Variants in TLE5 observed in about 807,000 individuals in gnomAD.
TLE5 encodes the protein TLE family member 5.
In TLE5, 7 loss-of-function variants were observed where a neutral mutation model predicts 25.8. That is an observed-to-expected ratio of 0.27 (90% CI 0.15 to 0.51). The LOEUF is 0.51. Ranked by LOEUF, TLE5 falls within the 20% of genes least tolerant of loss-of-function variation. TLE5 has a pLI of 0.97. For missense variants in TLE5, 149 were observed against 250.7 expected (o/e 0.59, Z 2.74); for synonymous variants, 132 against 110.5 (o/e 1.20, Z -1.22).
At chr19:3,057,359 C>G (rs113385867) in intron 3 of TLE5, 2 of 381,326 alleles carry the variant, frequency 5.2e-6, no homozygotes, top group Non-Finnish European at 9.8e-6. Flanking sequence ...TGCTCCCCCA[C>G]GTCAGTTCCT....
chr19:3,056,010 G>A (rs1353003792), intron 4 of TLE5: 5 of 520,654 alleles, frequency 9.6e-6, no homozygotes, highest in African/African-American at 2.0e-5. Flanking sequence ...TCAGGCCCCT[G>A]GCAGGTAGTA....
intron 1 of TLE5, 143 bp downstream of exon 1, chr19:3,062,031 A>C: frequency 6.6e-6 from 1 of 152,284 alleles, no homozygotes; most frequent in Non-Finnish European, 1.2e-5. Context: ...CTGGAGAGGG[A>C]AGACAGGGCC....
chr19:3,053,813 C>G lies in TLE5; in HGVS notation c.*6G>C. On this transcript the variant is annotated 3_prime_UTR_variant, in exon 7 of 7. Coordinates refer to ENST00000327141, the MANE Select transcript of TLE5 (RefSeq NM_001130.6). ...CCCCTCCCAACCTCCCTGTCCCGGC[C>G]CCCTGCTAATCCGACTTCTCGCCAT... is the stretch of plus-strand genomic sequence containing the variant. 6.2e-7 allele frequency: 1 copy of G among 1,612,894 alleles called. No individual in the cohort carries two copies. The highest frequency in any genetic ancestry group is 1.1e-5 in the South Asian group (1 of 91,084).
intron 1 of TLE5, among the ~76,000 whole-genome samples, chr19:3,061,886 T>TGG (rs376264879): frequency 0.048 from 2,909 of 60,068 alleles, 102 homozygotes; most frequent in South Asian, 0.11. Context: ...CCCGGCGGGT[T>TGG]GGGGGGGGGG....
chr19:3,056,391 G>T, intron 3 of TLE5, 35 bp from the exon 4 acceptor site: 1 of 632,662 alleles, frequency 1.6e-6, no homozygotes. Flanking sequence ...GCGGGAGATG[G>T]GGGTGGGGAA....
Position 3,053,791 on chromosome 19 carries a change from C to A in TLE5, c.*28G>T. On this transcript the variant is annotated 3_prime_UTR_variant, in exon 7 of 7. Transcript: ENST00000327141. ...TGCCTCTGTCTCCCCTCTGTCCCCC[C>A]TCCCAACCTCCCTGTCCCGGCCCCC... 2 of 1,607,540 alleles carry A rather than the reference C, an allele frequency of 1.2e-6. No homozygotes were observed. Among genetic ancestry groups the A allele is most frequent in the Non-Finnish European group, 1.7e-6 (2 of 1,176,486 alleles).
intron 2 of TLE5, among the ~76,000 whole-genome samples, chr19:3,058,031 G>A (rs1256602041): frequency 1.3e-5 from 2 of 152,052 alleles, no homozygotes; most frequent in Non-Finnish European, 2.9e-5. Flanking sequence ...GGTCAATGAA[G>A]CCGTAAACTT....
chr19:3,061,336 G>A (rs928162039), intron 1 of TLE5, 79 bp from the exon 2 acceptor site: 12 of 1,143,304 alleles, frequency 1.0e-5, no homozygotes, highest in African/African-American at 1.6e-5. Context: ...GGGAGCGGCC[G>A]CGCAGCTGCG....
intron 2 of TLE5, among the ~76,000 whole-genome samples, chr19:3,060,402 T>C (rs1263843030): frequency 4.8e-5 from 7 of 145,426 alleles, no homozygotes; most frequent in African/African-American, 1.8e-4. Context: ...GCTCCATCTC[T>C]GCTCACTGCA....
In TLE5 at chr19:3,053,376, ACTCGGGGTGCCCAGGACG is replaced by A; in HGVS notation, c.*425_*442del. On this transcript the variant is annotated 3_prime_UTR_variant, in exon 7 of 7. Coordinates refer to ENST00000327141, the MANE Select transcript of TLE5 (RefSeq NM_001130.6). ...TACCTGGGACCCGGGGTCGGGGGAG[ACTCGGGGTGCCCAGGACG>A]GGAAAGGGGCAGCTAGCATTGCGTG... 1.8e-5 allele frequency: 3 copies of A among 165,616 alleles called. No homozygotes were observed. The highest frequency in any genetic ancestry group is 1.8e-4 in the East Asian group (1 of 5,698). 10.3% of individuals were successfully genotyped at this position (165,616 alleles called of 1,614,324 possible). A position where few individuals can be genotyped will look rare whatever the true frequency, so the allele number is the denominator to read the frequency against.
At chr19:3,060,523 G>A (rs1241339879) in intron 2 of TLE5, among the ~76,000 whole-genome samples, 1 of 151,654 alleles carries the variant, frequency 6.6e-6, no homozygotes, top group Non-Finnish European at 1.5e-5. Flanking sequence ...GTAGAGACGG[G>A]GTTTCACCAT....
intron 3 of TLE5, chr19:3,056,646 T>C (rs1472004197): frequency 4.8e-6 from 3 of 625,110 alleles, no homozygotes; most frequent in African/African-American, 1.8e-5. Flanking sequence ...CCCCACTCCA[T>C]GTGCACCGCG....
chr19:3,060,328 C>CTTTTTTTTTTTTTTTTT (rs990199468), intron 2 of TLE5, among the ~76,000 whole-genome samples: 3 of 93,216 alleles, frequency 3.2e-5, no homozygotes, highest in African/African-American at 1.3e-4. Context: ...TTTTTTCTTT[C>CTTTTTTTTTTTTTTTTT]TTTTTTTTTT....
chr19:3,054,086 T>TCGGGGGGGGCGC, intron 6 of TLE5, 34 bp downstream of exon 6: 4 of 1,512,794 alleles, frequency 2.6e-6, no homozygotes, highest in Non-Finnish European at 2.7e-6. Context: ...GGCCCACCTG[T>TCGGGGGGGGCGC]CCCCCGCCCA....
intron 3 of TLE5, among the ~76,000 whole-genome samples, chr19:3,057,125 C>T (rs1432929099): frequency 6.6e-6 from 1 of 152,152 alleles, no homozygotes; most frequent in African/African-American, 2.4e-5. Flanking sequence ...TGCTCGAGGG[C>T]CAGGCCAAGG....
At position 3,053,732 on chromosome 19, in the gene TLE5, G is replaced by A. The variant is rs538840963; in HGVS notation, c.*87C>T. 14 of 1,434,338 alleles carry A rather than the reference G, an allele frequency of 9.8e-6. No homozygotes were observed. The highest frequency in any genetic ancestry group is 4.6e-4 in the Middle Eastern group (2 of 4,336). 88.9% of individuals were successfully genotyped at this position (1,434,338 alleles called of 1,614,324 possible). A position where few individuals can be genotyped will look rare whatever the true frequency, so the allele number is the denominator to read the frequency against. On this transcript the variant is annotated 3_prime_UTR_variant, in exon 7 of 7. Transcript: ENST00000327141. ...GGGAGTTTAGCCAATCCCGAGCTCC[G>A]CTGTGTCTTGTGCTAAACATTCCTT...
chr19:3,059,708 G>A (rs1314390924), intron 2 of TLE5, among the ~76,000 whole-genome samples: 2 of 152,156 alleles, frequency 1.3e-5, no homozygotes, highest in Non-Finnish European at 2.9e-5. Flanking sequence ...AGACCCCAAA[G>A]CTCAGAGAGG....
At chr19:3,062,937 G>A (rs1253058752), upstream of TLE5, 3 of 885,362 alleles carry the variant, frequency 3.4e-6, no homozygotes, top group Non-Finnish European at 1.8e-6. Flanking sequence ...TTTATAGAAC[G>A]CCTACTGTGT....
At chr19:3,060,328 C>CTTTTTTTTTTTTTTTTTT (rs990199468) in intron 2 of TLE5, among the ~76,000 whole-genome samples, 3 of 93,216 alleles carry the variant, frequency 3.2e-5, no homozygotes, top group Admixed American at 1.3e-4. Context: ...TTTTTTCTTT[C>CTTTTTTTTTTTTTTTTTT]TTTTTTTTTT....
Sources: allele counts gnomAD v4.1 joint callset (sites outside exome capture counted in the v4.1 genomes callset), GRCh38; gene constraint gnomAD v4.1.1; transcripts MANE v1.5; gene names NCBI Gene and HGNC (gene_info 2026-07-23, HGNC 2026-07-21).